CAPN10: variants seen among roughly 807,000 people sequenced by gnomAD.
CAPN10 encodes the protein calpain 10, also known as calpain-10.
Under a neutral mutation model 78.4 loss-of-function variants are expected in CAPN10, and 71 were observed. The ratio of observed to expected loss-of-function variants is 0.91; its 90% confidence interval spans 0.75 to 1.10. CAPN10 has a LOEUF of 1.10. Among genes scored for constraint, CAPN10 ranks in the 50% least tolerant of loss-of-function variants. The pLI is 0.00. For missense variants in CAPN10, 849 were observed against 924.6 expected (o/e 0.92, Z 1.06); for synonymous variants, 437 against 407.2 (o/e 1.07, Z -0.88).
At chr2:240,594,815 A>C in intron 6 of CAPN10, 106 bp downstream of exon 6, 2 of 676,928 alleles carry the variant, frequency 3.0e-6, no homozygotes, top group Non-Finnish European at 2.0e-6. Context: ...GGTTCTCTTC[A>C]GCGTGGAGAG....
In CAPN10 at chr2:240,597,761, G is replaced by A. The variant is rs962467304; in HGVS notation, c.1744-127G>A. The A allele has an allele frequency of 9.7e-6, 8 of 825,470 alleles. No homozygotes were observed. The African/African-American group carries it at 1.0e-4, about 11-fold the overall frequency. The allele number at this position is 825,470 out of a possible 1,614,324, so 51.1% of individuals were successfully genotyped here. ...GAGGCGAGTCCAGTGTCCAGGCCTG[G>A]CAGCCCCTCCTCAGAGAAGGGGCTG... is the stretch of plus-strand genomic sequence containing the variant. On this transcript the variant is annotated intron_variant, in intron 9 of 11. Coordinates refer to ENST00000391984, the MANE Select transcript of CAPN10 (RefSeq NM_023083.4).
Position 240,598,799 on chromosome 2 carries a change from C to T in CAPN10, c.*119C>T. On this transcript the variant is annotated 3_prime_UTR_variant, in exon 12 of 12. Transcript: ENST00000391984. Reference sequence around the variant, plus strand: ...TGGTCCTGAGTCTTGGCCTGCCTCCCAGCCCTGCCAGGAGGCTGCGGCCTA... The same window carrying T: ...TGGTCCTGAGTCTTGGCCTGCCTCCTAGCCCTGCCAGGAGGCTGCGGCCTA... The T allele has an allele frequency of 1.0e-6, 1 of 993,490 alleles. No homozygotes were observed. Among genetic ancestry groups the T allele is most frequent in the East Asian group, 2.6e-5 (1 of 38,060 alleles). 61.5% of individuals were successfully genotyped at this position (993,490 alleles called of 1,614,324 possible).
intron 6 of CAPN10, 85 bp from the exon 7 acceptor site, chr2:240,594,939 C>A: frequency 7.0e-7 from 1 of 1,420,206 alleles, no homozygotes; most frequent in Non-Finnish European, 9.6e-7. Context: ...GCTGCTTAGA[C>A]CCTGCCAGGG....
chr2:240,595,763 T>C (rs891654212), intron 7 of CAPN10, among the ~76,000 whole-genome samples: 16 of 152,320 alleles, frequency 1.1e-4, no homozygotes, highest in African/African-American at 3.8e-4. Context: ...ACGGATCTCA[T>C]GGGATTGCTC....
At chr2:240,591,907 A>G in intron 3 of CAPN10, 26 bp from the exon 4 acceptor site, 1 of 1,592,666 alleles carries the variant, frequency 6.3e-7, no homozygotes, top group East Asian at 2.2e-5. Flanking sequence ...CCAGAGGCTC[A>G]CTCCCATGGT....
intron 1 of CAPN10, among the ~76,000 whole-genome samples, chr2:240,587,765 G>C (rs1250995639): frequency 6.6e-6 from 1 of 152,242 alleles, no homozygotes. Flanking sequence ...GCAAGGGTCA[G>C]ACCATGTAGA....
At chr2:240,594,752 C>T (rs749759316) in intron 6 of CAPN10, 43 bp downstream of exon 6, 44 of 1,582,220 alleles carry the variant, frequency 2.8e-5, no homozygotes, top group South Asian at 7.9e-5. Context: ...CTCTGCCTGC[C>T]GAAGTGAGGA....
chr2:240,596,042 C>T, intron 7 of CAPN10: 3 of 1,506,588 alleles, frequency 2.0e-6, no homozygotes, highest in South Asian at 1.2e-5. Context: ...TGTCCAGCAG[C>T]CCCCAGGTTG....
At position 240,593,904 on chromosome 2, in the gene CAPN10, A is replaced by C. The variant is rs1237896694; in HGVS notation, c.689-2A>C. 1.9e-6 allele frequency: 3 copies of C among 1,590,604 alleles called. No homozygotes were observed. The highest frequency in any genetic ancestry group is 2.6e-6 in the Non-Finnish European group (3 of 1,163,960). The stretch of plus-strand genomic sequence containing the variant: ...CCTGTGCCTGCGCCATTCCTCATGC[A>C]GGTGCCCGGGAGCTGGGGGAGTTCC... On this transcript the variant is annotated splice_acceptor_variant, in intron 4 of 11. Transcript: ENST00000391984. LOFTEE classifies it high-confidence loss of function.
Position 240,594,617 on chromosome 2 carries a change from G to T in CAPN10, c.905G>T (p.Trp302Leu). 1 of 1,614,028 alleles carries T rather than the reference G, an allele frequency of 6.2e-7. No homozygotes were observed. The highest frequency in any genetic ancestry group is 8.5e-7 in the Non-Finnish European group (1 of 1,180,000). The change falls in exon 6 of 12, where the codon TGG becomes TTG. Residue 302 changes from tryptophan (W) to leucine (L), a missense_variant. Coordinates refer to ENST00000391984, the MANE Select transcript of CAPN10 (RefSeq NM_023083.4). Reference protein sequence around the residue: ...LLSQLQEGEFWVEEEEFLREF... With the variant: ...LLSQLQEGEFLVEEEEFLREF... ...TCCCAGCTCCAGGAAGGGGAGTTCTGGGTGGAGGAGGAGGAGTTCCTCAGG... is the reference window on the plus strand; with the variant it reads ...TCCCAGCTCCAGGAAGGGGAGTTCTTGGTGGAGGAGGAGGAGTTCCTCAGG...
At chr2:240,595,339 G>A in intron 7 of CAPN10, 35 bp downstream of exon 7, 1 of 1,602,810 alleles carries the variant, frequency 6.2e-7, no homozygotes, top group Non-Finnish European at 8.5e-7. Context: ...GCTCGGTTCA[G>A]CAGGTGGTGT....
rs763206424 is a variant in CAPN10 at position 240,589,332 on chromosome 2, C to G, written c.142-11C>G. On this transcript the variant is annotated splice_polypyrimidine_tract_variant and intron_variant, in intron 1 of 11. Transcript: ENST00000391984. Reference sequence around the variant, plus strand: ...GCATGATCTAACTCTGGACAACTTTCTGTATCTCAGGAGATTTGTGCCACA... The same window carrying G: ...GCATGATCTAACTCTGGACAACTTTGTGTATCTCAGGAGATTTGTGCCACA... 8 of 1,614,152 alleles carry G rather than the reference C, an allele frequency of 5.0e-6. No homozygotes were observed. Among genetic ancestry groups the G allele is most frequent in the Non-Finnish European group, 6.8e-6 (8 of 1,180,020 alleles).
At chr2:240,597,132 T>C (rs545823081) in intron 9 of CAPN10, among the ~76,000 whole-genome samples, 190 bp downstream of exon 9, 175 of 152,312 alleles carry the variant, frequency 1.1e-3, no homozygotes, top group African/African-American at 3.7e-3. Context: ...AGGCCGAAGA[T>C]GGCCTCTGGA....
rs552657880 is a variant in CAPN10 at position 240,596,078 on chromosome 2, C to A, written c.1279-241C>A. 7.2e-5 allele frequency: 111 copies of A among 1,533,446 alleles called. No homozygotes were observed. The African/African-American group carries it at 1.5e-3, about 20-fold the overall frequency. The allele number at this position is 1,533,446 out of a possible 1,614,324, so 95.0% of individuals were successfully genotyped here. On this transcript the variant is annotated intron_variant, in intron 7 of 11. Transcript: ENST00000391984. ...CCTGGGCCACGGTGCCTTTGTGGGC[C>A]CAGCTACAAGGAGGACTTGCAGGCT...
rs1345753693 is a variant in CAPN10, at chr2:240,598,913, G to T, written c.*233G>T. ...AAGGGTGGGAAGCTTGCTGGCTTCT[G>T]TTGCGCCACTGAGACGGCAGAGACC... is the stretch of plus-strand genomic sequence containing the variant. On this transcript the variant is annotated 3_prime_UTR_variant, in exon 12 of 12. Coordinates refer to ENST00000391984, the MANE Select transcript of CAPN10 (RefSeq NM_023083.4). 11 of 582,432 alleles carry T rather than the reference G, an allele frequency of 1.9e-5. No homozygotes were observed. The highest frequency in any genetic ancestry group is 2.8e-5 in the Non-Finnish European group (9 of 321,666). 36.1% of individuals were successfully genotyped at this position (582,432 alleles called of 1,614,324 possible).
Position 240,598,737 on chromosome 2 carries a change from C to T in CAPN10, c.*57C>T. The T allele has an allele frequency of 6.6e-7, 1 of 1,507,242 alleles. No homozygotes were observed. Among genetic ancestry groups the T allele is most frequent in the Non-Finnish European group, 9.0e-7 (1 of 1,105,842 alleles). The allele number at this position is 1,507,242 out of a possible 1,614,324, so 93.4% of individuals were successfully genotyped here. A position where few individuals can be genotyped will look rare whatever the true frequency, so the allele number is the denominator to read the frequency against. On this transcript the variant is annotated 3_prime_UTR_variant, in exon 12 of 12. Coordinates refer to ENST00000391984, the MANE Select transcript of CAPN10 (RefSeq NM_023083.4). ...TGGAGCCCGAGGGCCTGACAGGTTCCCAGCAGCTGGGCCGGCCAGCCTTGC... is the reference window on the plus strand; with the variant it reads ...TGGAGCCCGAGGGCCTGACAGGTTCTCAGCAGCTGGGCCGGCCAGCCTTGC...
At chr2:240,598,450 C>G in intron 11 of CAPN10, 53 bp downstream of exon 11, 2 of 1,599,014 alleles carry the variant, frequency 1.3e-6, no homozygotes, top group Non-Finnish European at 1.7e-6. Flanking sequence ...TGCCTGGTGG[C>G]CTAGGGTCTA....
rs1047360120 is a variant in CAPN10, at chr2:240,589,408, G to A, written c.207G>A (p.Leu69=). The stretch of plus-strand genomic sequence containing the variant: ...GGGAAGGGCAGGTGAAGCAGGGGCT[G>A]CTGGGGGATTGCTGGTTCCTGTGTG... ...DPREGQVKQG[L]LGDCWFLCAC... is the part of the protein sequence containing the mutation. Residue 69 remains leucine (L), a synonymous_variant, in exon 2 of 12, where the codon CTG becomes CTA. Coordinates refer to ENST00000391984, the MANE Select transcript of CAPN10 (RefSeq NM_023083.4). 6.2e-7 allele frequency: 1 copy of A among 1,614,136 alleles called. No individual in the cohort carries two copies. The highest frequency in any genetic ancestry group is 1.7e-5 in the Admixed American group (1 of 60,032).
At chr2:240,594,328 C>G in intron 5 of CAPN10, 1 of 634,590 alleles carries the variant, frequency 1.6e-6, no homozygotes, top group Non-Finnish European at 2.8e-6. Context: ...TGAAGTTCCT[C>G]TGGGAAAAGA....
Sources: allele counts gnomAD v4.1 joint callset (sites outside exome capture counted in the v4.1 genomes callset), GRCh38; gene constraint gnomAD v4.1.1; transcripts MANE v1.5; gene names NCBI Gene and HGNC (gene_info 2026-07-23, HGNC 2026-07-21).